Variants in ZBTB16 observed in about 807,000 individuals in gnomAD.
ZBTB16 encodes the protein zinc finger and BTB domain containing 16.
In ZBTB16, 8 loss-of-function variants were observed where a neutral mutation model predicts 56.8. The ratio of observed to expected loss-of-function variants is 0.14; its 90% CI spans 0.08 to 0.25. ZBTB16 has a LOEUF of 0.25. ZBTB16 is among the 10% of genes least tolerant of loss of function. The pLI is 1.00. For missense variants in ZBTB16, 625 were observed against 903.0 expected (o/e 0.69, Z 3.95); for synonymous variants, 363 against 368.5 (o/e 0.98, Z 0.17).
chr11:114,169,771 C>G (rs1012522501), intron 3 of ZBTB16, among the ~76,000 whole-genome samples: 1 of 152,176 alleles, frequency 6.6e-6, no homozygotes, highest in Non-Finnish European at 1.5e-5. Flanking sequence ...TGGGGAGAAG[C>G]TCCTAAGAAC....
In ZBTB16 at chr11:114,255,300, C is replaced by T. The variant is rs1944981490; in HGVS notation, c.*4745C>T. Among the ~76,000 whole-genome samples the T allele has an allele frequency of 6.6e-6, 1 of 152,130 alleles. No homozygotes were observed. Among genetic ancestry groups the T allele is most frequent in the South Asian group, 2.1e-4 (1 of 4,824 alleles). On this transcript the variant is annotated 3_prime_UTR_variant, in exon 7 of 7. Coordinates refer to ENST00000335953, the MANE Select transcript of ZBTB16 (RefSeq NM_006006.6). ...GTATTACAGAATAGTGTTTTTAATT[C>T]ATCAATGTTCTAGTTAATGTCTACC...
At chr11:114,062,330 C>T (rs1357210453) in intron 1 of ZBTB16, among the ~76,000 whole-genome samples, 2 of 152,064 alleles carry the variant, frequency 1.3e-5, no homozygotes, top group Admixed American at 1.3e-4. Flanking sequence ...CTCGAACTCC[C>T]GACCTCAGGT....
At chr11:114,138,554 T>C (rs1941859015) in intron 2 of ZBTB16, among the ~76,000 whole-genome samples, 1 of 152,326 alleles carries the variant, frequency 6.6e-6, no homozygotes, top group East Asian at 1.9e-4. Flanking sequence ...AGGCATTGCC[T>C]GTGTATTATG....
At chr11:114,118,699 G>A (rs1941250946) in intron 2 of ZBTB16, among the ~76,000 whole-genome samples, 2 of 152,104 alleles carry the variant, frequency 1.3e-5, no homozygotes, top group Non-Finnish European at 2.9e-5. Flanking sequence ...TGGAACCAGG[G>A]CTTTCTGCTT....
chr11:114,223,666 C>G (rs1944280368), intron 4 of ZBTB16, among the ~76,000 whole-genome samples: 1 of 152,132 alleles, frequency 6.6e-6, no homozygotes, highest in African/African-American at 2.4e-5. Flanking sequence ...TCATGGGTTT[C>G]ATGCCTTCTA....
chr11:114,105,643 C>A (rs1011346186), intron 2 of ZBTB16, among the ~76,000 whole-genome samples: 1 of 152,114 alleles, frequency 6.6e-6, no homozygotes, highest in East Asian at 1.9e-4. Context: ...GCGATCTGTC[C>A]CCTCCCTGAG....
chr11:114,060,441 T>C lies in ZBTB16; in HGVS notation c.-91+559T>C, dbSNP rs147214081. 0.035 allele frequency: 5,292 copies of C among 152,296 alleles called. 104 individuals carry two copies. Among genetic ancestry groups the C allele is most frequent in the African/African-American group, 0.046 (1,891 of 41,556 alleles). 9.4% of individuals were successfully genotyped at this position (152,296 alleles called of 1,614,324 possible). Reference sequence around the variant, plus strand: ...TCTTTGAGAAAACGTGGTGGGCTTTTTCTTGATTGGACTTGATCCCCACCC... The same window carrying C: ...TCTTTGAGAAAACGTGGTGGGCTTTCTCTTGATTGGACTTGATCCCCACCC... On this transcript the variant is annotated intron_variant, in intron 1 of 6. Coordinates refer to ENST00000335953, the MANE Select transcript of ZBTB16 (RefSeq NM_006006.6). This position sits in a 1 kb window ranked among gnomAD's most constrained non-coding sequence, Gnocchi z 6.0.
intron 2 of ZBTB16, among the ~76,000 whole-genome samples, chr11:114,115,970 G>C (rs955651110): frequency 6.6e-6 from 1 of 152,186 alleles, no homozygotes; most frequent in African/African-American, 2.4e-5. Flanking sequence ...TCCCCACCCT[G>C]TCCATGAAGC....
At chr11:114,215,451 G>A (rs909527140) in intron 4 of ZBTB16, among the ~76,000 whole-genome samples, 2 of 152,222 alleles carry the variant, frequency 1.3e-5, no homozygotes, top group Non-Finnish European at 1.5e-5. Flanking sequence ...TTTCCAAAAA[G>A]GGGAAGGGAA....
intron 4 of ZBTB16, among the ~76,000 whole-genome samples, chr11:114,230,877 G>GTC (rs1261661114): frequency 4.6e-5 from 7 of 151,924 alleles, no homozygotes; most frequent in Admixed American, 3.9e-4. Flanking sequence ...TCTTGCCTCT[G>GTC]TCTCTCTCTC....
intron 2 of ZBTB16, among the ~76,000 whole-genome samples, chr11:114,078,303 C>T (rs911387891): frequency 6.6e-6 from 1 of 152,198 alleles, no homozygotes; most frequent in Non-Finnish European, 1.5e-5. Flanking sequence ...CCATCTTTTT[C>T]TCCCTTGGTC....
At chr11:114,124,787 T>A (rs1001762896) in intron 2 of ZBTB16, among the ~76,000 whole-genome samples, 2 of 152,210 alleles carry the variant, frequency 1.3e-5, no homozygotes, top group Non-Finnish European at 2.9e-5. Flanking sequence ...TTCCAGCCTC[T>A]CACTTGCTCT....
chr11:114,064,737 T>A lies in ZBTB16; in HGVS notation c.1268+169T>A, dbSNP rs1032316570. Among the ~76,000 whole-genome samples, 1 of 152,172 alleles carries A rather than the reference T, an allele frequency of 6.6e-6. No individual in the cohort carries two copies. The highest frequency in any genetic ancestry group is 1.5e-5 in the Non-Finnish European group (1 of 68,024). ...CTGGCGGGGAGGGGAGCAGGTTTTT[T>A]AAAGTGTAGTGAGGGGGCCTAGGAT... is the stretch of plus-strand genomic sequence containing the variant. On this transcript the variant is annotated intron_variant, in intron 2 of 6. Transcript: ENST00000335953. The surrounding 1 kb of genome is among the most constrained non-coding windows in gnomAD (Gnocchi z 4.2).
Position 114,170,587 on chromosome 11 carries a change from G to A in ZBTB16, c.1366+14153G>A, listed in dbSNP as rs531240373. Among the ~76,000 whole-genome samples the A allele has an allele frequency of 5.3e-5, 8 of 151,586 alleles. No homozygotes were observed. The South Asian group carries it at 1.5e-3, about 28-fold the overall frequency. ...CTCCTCCTTCCCCCAAACCAGTCCC[G>A]TTTTGATTGGAATTCTTTCACTTGC... On this transcript the variant is annotated intron_variant, in intron 3 of 6. Coordinates refer to ENST00000335953, the MANE Select transcript of ZBTB16 (RefSeq NM_006006.6).
chr11:114,062,179 C>G (rs991592906), intron 1 of ZBTB16, among the ~76,000 whole-genome samples: 86 of 151,818 alleles, frequency 5.7e-4, no homozygotes, highest in Admixed American at 2.9e-3. Context: ...TCTCGGCTCA[C>G]GGCAACCTCC....
chr11:114,232,122 G>A (rs754874058), intron 4 of ZBTB16, among the ~76,000 whole-genome samples: 3 of 152,246 alleles, frequency 2.0e-5, no homozygotes, highest in Admixed American at 6.5e-5. Context: ...TCCCCCACCC[G>A]CTTTGGGGCT....
chr11:114,183,331 A>G (rs1943293613), intron 3 of ZBTB16, among the ~76,000 whole-genome samples: 1 of 152,134 alleles, frequency 6.6e-6, no homozygotes, highest in Non-Finnish European at 1.5e-5. Flanking sequence ...GCTTGGGCCG[A>G]GGCAGCCGCC....
intron 4 of ZBTB16, among the ~76,000 whole-genome samples, chr11:114,212,937 C>T (rs1283115767): frequency 6.6e-6 from 1 of 152,020 alleles, no homozygotes; most frequent in East Asian, 1.9e-4. Flanking sequence ...GCACCCCTCC[C>T]TCAACCTTCA....
At chr11:114,159,230 C>T (rs895265341) in intron 3 of ZBTB16, among the ~76,000 whole-genome samples, 10 of 152,238 alleles carry the variant, frequency 6.6e-5, no homozygotes, top group African/African-American at 2.4e-4. Flanking sequence ...ATGCTGCTTC[C>T]AGGTCCCCTG....
Sources: allele counts gnomAD v4.1 joint callset (sites outside exome capture counted in the v4.1 genomes callset), GRCh38; gene constraint gnomAD v4.1.1; non-coding constraint Gnocchi (gnomAD v3.1); transcripts MANE v1.5; gene names NCBI Gene and HGNC (gene_info 2026-07-23, HGNC 2026-07-21).